Variants in EPM2A observed in about 807,000 individuals in gnomAD.
The protein encoded by EPM2A is laforin.
EPM2A carries 21 observed loss-of-function variants against 26.5 expected under a neutral mutation model. The ratio of observed to expected loss-of-function variants is 0.79; its 90% CI spans 0.56 to 1.14. The LOEUF (loss-of-function observed/expected upper bound fraction) is 1.14. Among genes scored for constraint, EPM2A ranks in the 50% most tolerant of loss-of-function variants. EPM2A has a pLI of 0.00. For missense variants in EPM2A, 458 were observed against 440.8 expected (o/e 1.04, Z -0.35); for synonymous variants, 217 against 177.6 (o/e 1.22, Z -1.76).
intron 2 of EPM2A, among the ~76,000 whole-genome samples, chr6:145,650,781 A>G (rs1020084518): frequency 2.0e-5 from 3 of 152,324 alleles, no homozygotes; most frequent in African/African-American, 7.2e-5. Context: ...CTGTGCCTCA[A>G]CTAAAGTTAT....
chr6:145,502,872 T>C (rs536259072), intron 2 of EPM2A, among the ~76,000 whole-genome samples: 9 of 152,328 alleles, frequency 5.9e-5, no homozygotes. Flanking sequence ...TTACATTGAA[T>C]TGAACAATGA....
At chr6:145,622,438 T>C (rs1170078064), downstream of EPM2A, among the ~76,000 whole-genome samples, 4 of 152,216 alleles carry the variant, frequency 2.6e-5, no homozygotes, top group Non-Finnish European at 5.9e-5. Context: ...AATTCAAATG[T>C]TGAAGTCATA....
intron 2 of EPM2A, among the ~76,000 whole-genome samples, chr6:145,649,480 G>A (rs1224890858): frequency 6.6e-6 from 1 of 152,218 alleles, no homozygotes; most frequent in African/African-American, 2.4e-5. Context: ...ATACTAATGT[G>A]TTGGTAAGCC....
intron 4 of EPM2A, among the ~76,000 whole-genome samples, chr6:145,459,829 C>A (rs1404921234): frequency 6.6e-6 from 1 of 152,100 alleles, no homozygotes; most frequent in East Asian, 1.9e-4. Context: ...AAACCTTTTT[C>A]ATCCTTTATA....
intron 4 of EPM2A, among the ~76,000 whole-genome samples, chr6:145,422,192 ATAAT>A (rs1171702170): frequency 2.1e-5 from 3 of 146,336 alleles, no homozygotes; most frequent in African/African-American, 7.4e-5. Flanking sequence ...ACATAAATAT[ATAAT>A]TATAGAAGTA....
chr6:145,697,225 T>A (rs1454634913), intron 1 of EPM2A, among the ~76,000 whole-genome samples: 2 of 152,094 alleles, frequency 1.3e-5, no homozygotes, highest in African/African-American at 4.8e-5. Flanking sequence ...AGACATCACA[T>A]GTCGGCAGGT....
chr6:145,627,952 C>T (rs1045427120), intron 3 of EPM2A: 15 of 523,088 alleles, frequency 2.9e-5, no homozygotes, highest in Non-Finnish European at 3.7e-5. Flanking sequence ...TGGGTGACTT[C>T]GCCATCCATG....
chr6:145,541,084 A>G (rs1780500286), intron 2 of EPM2A, among the ~76,000 whole-genome samples: 1 of 152,026 alleles, frequency 6.6e-6, no homozygotes, highest in Non-Finnish European at 1.5e-5. Flanking sequence ...TAAAGATGTG[A>G]GCAGATGTCT....
At chr6:145,513,768 C>G (rs548055744) in intron 2 of EPM2A, among the ~76,000 whole-genome samples, 1 of 152,212 alleles carries the variant, frequency 6.6e-6, no homozygotes, top group Middle Eastern at 3.2e-3. Flanking sequence ...TACTAACTCT[C>G]TTTTGACAGA....
intron 4 of EPM2A, among the ~76,000 whole-genome samples, chr6:145,408,749 T>A (rs1163035154): frequency 1.3e-5 from 2 of 152,188 alleles, no homozygotes; most frequent in Non-Finnish European, 2.9e-5. Flanking sequence ...AGCAGCAATT[T>A]ATTTCTCACA....
At chr6:145,470,545 A>G (rs933789566) in intron 4 of EPM2A, among the ~76,000 whole-genome samples, 1 of 152,156 alleles carries the variant, frequency 6.6e-6, no homozygotes, top group Non-Finnish European at 1.5e-5. Context: ...CCATTTTAAA[A>G]ACACTTTTGA....
intron 4 of EPM2A, among the ~76,000 whole-genome samples, chr6:145,482,810 A>C (rs1779626165): frequency 6.6e-6 from 1 of 151,944 alleles, no homozygotes; most frequent in African/African-American, 2.4e-5. Flanking sequence ...TTTGTCACTC[A>C]GCCATACTCT....
intron 1 of EPM2A, among the ~76,000 whole-genome samples, chr6:145,715,752 T>A (rs1775582955): frequency 6.6e-6 from 1 of 152,170 alleles, no homozygotes; most frequent in African/African-American, 2.4e-5. Flanking sequence ...ACATCTAGGT[T>A]GTGGGCTCCT....
At chr6:145,454,159 A>G (rs1779231861) in intron 4 of EPM2A, among the ~76,000 whole-genome samples, 2 of 152,210 alleles carry the variant, frequency 1.3e-5, no homozygotes, top group Admixed American at 1.3e-4. Context: ...GAAGATATTC[A>G]GGTGCTCCTG....
chr6:145,473,242 C>T (rs1779499035), intron 4 of EPM2A, among the ~76,000 whole-genome samples: 1 of 150,952 alleles, frequency 6.6e-6, no homozygotes, highest in South Asian at 2.1e-4. Context: ...AAATTCTGGA[C>T]CTGAAAAATG....
rs1042128994 is a variant in EPM2A at position 145,625,641 on chromosome 6, G to A, written c.*1775C>T. The A allele has an allele frequency of 1.1e-5, 8 of 723,982 alleles. No individual in the cohort carries two copies. The East Asian group carries it at 1.6e-4, about 14-fold the overall frequency. The allele number at this position is 723,982 out of a possible 1,614,324, so 44.8% of individuals were successfully genotyped here. A position where few individuals can be genotyped will look rare whatever the true frequency, so the allele number is the denominator to read the frequency against. On this transcript the variant is annotated 3_prime_UTR_variant, in exon 4 of 4. Transcript: ENST00000367519. ...TATTACCTCTAGTTATTTTTAGCAA[G>A]GGAGCTGGACTTCACTTTACTTAAT... is the stretch of plus-strand genomic sequence containing the variant.
Position 145,422,174 on chromosome 6 carries a change from A to C in EPM2A, c.556-38077T>G, listed in dbSNP as rs974002545. Among the ~76,000 whole-genome samples, 21 of 145,950 alleles carry C rather than the reference A, an allele frequency of 1.4e-4. 1 individual carries two copies. The highest frequency in any genetic ancestry group is 3.7e-4 in the African/African-American group (15 of 40,506). ...TAATATAAAATATATTTATATTATA[A>C]AATTTTTACATAAATATATAATTAT... On this transcript the variant is annotated intron_variant, in intron 4 of 4. Transcript: ENST00000638717.
chr6:145,465,509 G>T (rs1450685478), intron 4 of EPM2A, among the ~76,000 whole-genome samples: 2 of 131,998 alleles, frequency 1.5e-5, no homozygotes, highest in African/African-American at 6.0e-5. Flanking sequence ...TCCGTTGCTG[G>T]TGAGGAACTG....
At chr6:145,621,161 A>G (rs958475160), downstream of EPM2A, among the ~76,000 whole-genome samples, 1 of 152,190 alleles carries the variant, frequency 6.6e-6, no homozygotes. Flanking sequence ...TTGGCTTTTT[A>G]AAGATTCCAC....
Sources: gnomAD v4.1 joint callset for allele counts (sites outside exome capture counted in the v4.1 genomes callset) on GRCh38, gnomAD v4.1.1 for gene constraint, MANE v1.5 for transcripts, NCBI Gene and HGNC (gene_info 2026-07-23, HGNC 2026-07-21) for gene names.